The following SCARA5 variants were observed in gnomAD, a reference collection of about 807,000 sequenced individuals.
SCARA5 encodes the protein scavenger receptor class A, member 5 (putative).
Under a neutral mutation model 46.3 loss-of-function variants are expected in SCARA5, and 45 were observed. The observed-to-expected ratio is 0.97, with a 90% CI of 0.76 to 1.24. The LOEUF (loss-of-function observed/expected upper bound fraction) is 1.24, where lower values mean the gene tolerates loss of function less well. Ranked by LOEUF, SCARA5 falls within the 50% of genes most tolerant of loss-of-function variation. SCARA5 has a pLI of 0.00. For missense variants in SCARA5, 680 were observed against 689.0 expected (o/e 0.99, Z 0.15); for synonymous variants, 333 against 306.5 (o/e 1.09, Z -0.90).
At chr8:27,873,923 G>A (rs1359325146) in intron 8 of SCARA5, among the ~76,000 whole-genome samples, 4 of 152,192 alleles carry the variant, frequency 2.6e-5, no homozygotes, top group South Asian at 2.1e-4. Context: ...GGTGGTGCAC[G>A]CCTGTAATCT....
intron 2 of SCARA5, among the ~76,000 whole-genome samples, chr8:27,982,367 G>C (rs1452924275): frequency 1.5e-4 from 19 of 130,916 alleles, no homozygotes; most frequent in Admixed American, 6.5e-4. Flanking sequence ...CAAGGCGGGA[G>C]AAAGGAAGGT....
At chr8:27,874,307 A>G (rs1806689565) in intron 8 of SCARA5, among the ~76,000 whole-genome samples, 1 of 152,228 alleles carries the variant, frequency 6.6e-6, no homozygotes, top group Non-Finnish European at 1.5e-5. Flanking sequence ...GGCCCCAGAA[A>G]GATTGAGTGA....
At position 27,956,962 on chromosome 8, in the gene SCARA5, T is replaced by C. The variant is rs543665872; in HGVS notation, c.241+9452A>G. Among the ~76,000 whole-genome samples, 5 of 152,296 alleles carry C rather than the reference T, an allele frequency of 3.3e-5. No individual in the cohort carries two copies. The South Asian group carries it at 1.0e-3, about 32-fold the overall frequency. On this transcript the variant is annotated intron_variant, in intron 3 of 8. Coordinates refer to ENST00000354914, the MANE Select transcript of SCARA5 (RefSeq NM_173833.6). ...ACGGGAGCTCATTAGTTGCTCAGCT[T>C]CCACGCCAGTAAAAATTCAAAGCCC...
At chr8:27,954,879 A>G (rs1221093985) in intron 3 of SCARA5, among the ~76,000 whole-genome samples, 1 of 152,236 alleles carries the variant, frequency 6.6e-6, no homozygotes, top group Non-Finnish European at 1.5e-5. Flanking sequence ...CCTCCCGGAA[A>G]GATGCCATTT....
At chr8:27,928,253 GCA>G (rs1439406817) in intron 3 of SCARA5, among the ~76,000 whole-genome samples, 9 of 152,250 alleles carry the variant, frequency 5.9e-5, no homozygotes, top group Admixed American at 3.9e-4. Context: ...TCATGTTTAT[GCA>G]AACAGCTCAT....
At chr8:27,983,902 C>A (rs961631585) in intron 2 of SCARA5, among the ~76,000 whole-genome samples, 1 of 152,218 alleles carries the variant, frequency 6.6e-6, no homozygotes, top group African/African-American at 2.4e-5. Context: ...CAGCCTCCAA[C>A]AAGAAGTGCC....
At chr8:27,888,666 A>T (rs1334668983) in intron 7 of SCARA5, among the ~76,000 whole-genome samples, 2 of 152,180 alleles carry the variant, frequency 1.3e-5, no homozygotes, top group African/African-American at 4.8e-5. Context: ...TTCAGTATGG[A>T]TGTTTGGCTT....
intron 3 of SCARA5, among the ~76,000 whole-genome samples, chr8:27,955,239 C>T (rs547981687): frequency 2.0e-5 from 3 of 152,292 alleles, no homozygotes; most frequent in South Asian, 2.1e-4. Context: ...AGAAACACAG[C>T]GAGGGACCCT....
chr8:27,992,174 C>G (rs576397272), intron 1 of SCARA5, 83 bp downstream of exon 1: 8 of 152,416 alleles, frequency 5.2e-5, no homozygotes, highest in Admixed American at 5.2e-4. Context: ...GTACTCCTCT[C>G]CATCCAGTTC....
rs544733671 is a variant in SCARA5, at chr8:27,939,750, A to G, written c.242-17505T>C. ...AGGCAATGGGCTGGGGACTGCATGT[A>G]TTATGTTTCATGGGATCCTCTGAGG... On this transcript the variant is annotated intron_variant, in intron 3 of 8. Coordinates refer to ENST00000354914, the MANE Select transcript of SCARA5 (RefSeq NM_173833.6). Among the ~76,000 whole-genome samples the G allele has an allele frequency of 2.0e-5, 3 of 152,302 alleles. No homozygotes were observed. In the South Asian group the frequency reaches 6.2e-4, roughly 32 times the overall value.
intron 5 of SCARA5, among the ~76,000 whole-genome samples, chr8:27,909,326 T>C (rs1304218624): frequency 6.6e-6 from 1 of 152,036 alleles, no homozygotes; most frequent in Non-Finnish European, 1.5e-5. Flanking sequence ...TGGGACAGCA[T>C]CTTCAAAGGG....
At chr8:27,921,380 G>T (rs955584542) in intron 4 of SCARA5, among the ~76,000 whole-genome samples, 191 bp downstream of exon 4, 1 of 152,056 alleles carries the variant, frequency 6.6e-6, no homozygotes, top group Non-Finnish European at 1.5e-5. Context: ...CTGGATGTGG[G>T]TACATGCCAT....
At chr8:27,985,639 A>G (rs1353822083) in intron 2 of SCARA5, among the ~76,000 whole-genome samples, 1 of 152,174 alleles carries the variant, frequency 6.6e-6, no homozygotes, top group Non-Finnish European at 1.5e-5. Flanking sequence ...ACTGAGGCCC[A>G]CAGAGGGTCA....
intron 3 of SCARA5, among the ~76,000 whole-genome samples, chr8:27,942,076 A>C (rs1807955278): frequency 6.6e-6 from 1 of 151,790 alleles, no homozygotes; most frequent in South Asian, 2.1e-4. Flanking sequence ...TGATCTACCC[A>C]CCTCGGCCTC....
chr8:27,936,162 C>T (rs569079136), intron 3 of SCARA5, among the ~76,000 whole-genome samples: 1 of 152,180 alleles, frequency 6.6e-6, no homozygotes, highest in South Asian at 2.1e-4. Flanking sequence ...GCACAGGTGA[C>T]CCATGATGTT....
intron 1 of SCARA5, among the ~76,000 whole-genome samples, chr8:27,990,081 C>T (rs1271479635): frequency 6.6e-6 from 1 of 152,254 alleles, no homozygotes; most frequent in Non-Finnish European, 1.5e-5. Flanking sequence ...CACCTTCCTC[C>T]TCTTCTGGTC....
intron 7 of SCARA5, among the ~76,000 whole-genome samples, chr8:27,880,033 A>G (rs1806787037): frequency 6.6e-6 from 1 of 152,248 alleles, no homozygotes; most frequent in African/African-American, 2.4e-5. Flanking sequence ...GAGCCCAGAA[A>G]CAAAGCTACA....
Position 27,871,784 on chromosome 8 carries a change from C to A in SCARA5, c.*150G>T. 6.7e-7 allele frequency: 1 copy of A among 1,484,516 alleles called. No homozygotes were observed. The highest frequency in any genetic ancestry group is 1.4e-5 in the African/African-American group (1 of 71,636). The allele number at this position is 1,484,516 out of a possible 1,614,324, so 92.0% of individuals were successfully genotyped here. ...GTTCAAGAGGGAAATGACGACCGGC[C>A]CCCACGGTCCTGGGATGCAGGTGTG... On this transcript the variant is annotated 3_prime_UTR_variant, in exon 9 of 9. Coordinates refer to ENST00000354914, the MANE Select transcript of SCARA5 (RefSeq NM_173833.6).
In SCARA5 at chr8:27,879,576, G is replaced by A. The variant is rs143382394; in HGVS notation, c.1344C>T (p.Phe448=). 8.4e-5 allele frequency: 135 copies of A among 1,607,008 alleles called. 1 individual carries two copies. In the African/African-American group the frequency reaches 1.4e-3, roughly 17 times the overall value. Residue 448 remains phenylalanine, a synonymous_variant, in exon 8 of 9, where the codon TTC becomes TTT. Transcript: ENST00000354914. ...GVEEVYRTAR[F]GQGTGRIWMD... ...GCCCTCAGAGCGCCTTACCTTGCCCGAATCGAGCTGTGCGGTACACCTCCT... is the reference window on the plus strand; with the variant it reads ...GCCCTCAGAGCGCCTTACCTTGCCCAAATCGAGCTGTGCGGTACACCTCCT...
Sources: allele counts gnomAD v4.1 joint callset (sites outside exome capture counted in the v4.1 genomes callset), GRCh38; gene constraint gnomAD v4.1.1; transcripts MANE v1.5; gene names NCBI Gene and HGNC (gene_info 2026-07-23, HGNC 2026-07-21).